DGKD: variants seen among roughly 807,000 people sequenced by gnomAD.
DGKD encodes diacylglycerol kinase delta.
In DGKD, 68 loss-of-function variants were observed where a neutral mutation model predicts 154.4. That is an observed-to-expected ratio of 0.44 (90% CI 0.36 to 0.54). The LOEUF is 0.54. DGKD is among the 20% of genes least tolerant of loss of function. The probability of loss-of-function intolerance (pLI) is 0.00; values close to 1 mark genes in which losing one functional copy is unlikely to be tolerated. For missense variants in DGKD, 1,343 were observed against 1,593.6 expected, an observed-to-expected ratio of 0.84 and a Z score of 2.68; for synonymous variants, 693 against 638.0, an observed-to-expected ratio of 1.09 and a Z score of -1.30.
At chr2:233,462,292 GA>G in intron 24 of DGKD, 55 bp from the exon 25 acceptor site, 1 of 1,443,242 alleles carries the variant, frequency 6.9e-7, no homozygotes. Context: ...TGCGTATTGT[GA>G]AAGGCTGCCC....
At chr2:233,387,226 A>G (rs374347053) in intron 1 of DGKD, among the ~76,000 whole-genome samples, 13 of 152,196 alleles carry the variant, frequency 8.5e-5, no homozygotes, top group African/African-American at 3.1e-4. Flanking sequence ...TGAAACATTT[A>G]CGTAAAGTGC....
chr2:233,389,873 C>T (rs1703475113), intron 2 of DGKD, among the ~76,000 whole-genome samples: 1 of 152,138 alleles, frequency 6.6e-6, no homozygotes, highest in East Asian at 1.9e-4. Flanking sequence ...TGCTCTACTC[C>T]CTTGTTTCCT....
chr2:233,365,840 A>G (rs1461662149), intron 1 of DGKD, among the ~76,000 whole-genome samples: 1 of 152,250 alleles, frequency 6.6e-6, no homozygotes, highest in Non-Finnish European at 1.5e-5. Flanking sequence ...AATAGCAAAT[A>G]TGTATATATA....
intron 3 of DGKD, among the ~76,000 whole-genome samples, chr2:233,410,377 C>T (rs1484598385): frequency 2.6e-5 from 4 of 152,178 alleles, no homozygotes; most frequent in Non-Finnish European, 5.9e-5. Context: ...GCGCAGCTGA[C>T]TTGCCAAGGC....
intron 10 of DGKD, among the ~76,000 whole-genome samples, chr2:233,444,251 G>C (rs770980037): frequency 2.6e-5 from 4 of 152,060 alleles, no homozygotes; most frequent in Non-Finnish European, 4.4e-5. Context: ...AGTTGTTCTT[G>C]GTTCGTCCGT....
intron 3 of DGKD, among the ~76,000 whole-genome samples, chr2:233,402,511 T>A (rs2061585433): frequency 6.6e-6 from 1 of 152,194 alleles, no homozygotes; most frequent in Non-Finnish European, 1.5e-5. Context: ...AAGCAGGTTC[T>A]GTTGCTTCTT....
chr2:233,428,317 G>C (rs2062384927), intron 3 of DGKD, among the ~76,000 whole-genome samples: 1 of 152,172 alleles, frequency 6.6e-6, no homozygotes, highest in African/African-American at 2.4e-5. Context: ...CCCTCTGTGG[G>C]CAGCTAAGAA....
Position 233,449,411 on chromosome 2 carries a change from A to G in DGKD, c.1888+35A>G, listed in dbSNP as rs781666824. 6.4e-7 allele frequency: 1 copy of G among 1,568,966 alleles called. No homozygotes were observed. On this transcript the variant is annotated intron_variant, in intron 15 of 29. Coordinates refer to ENST00000264057, the MANE Select transcript of DGKD (RefSeq NM_152879.3). The surrounding 1 kb of genome is among the most constrained non-coding windows in gnomAD (Gnocchi z 5.3). ...CTTGTGATGAGGAGGGGCTTTCCTC[A>G]GGCCAGCACTGGGCATGCCCAGCGT...
At chr2:233,416,727 C>A (rs1370046205) in intron 3 of DGKD, among the ~76,000 whole-genome samples, 4 of 152,182 alleles carry the variant, frequency 2.6e-5, no homozygotes, top group Non-Finnish European at 4.4e-5. Flanking sequence ...CTACCAGGGA[C>A]CTTTGGTTTG....
At chr2:233,365,575 A>G (rs1039140598) in intron 1 of DGKD, among the ~76,000 whole-genome samples, 2 of 152,192 alleles carry the variant, frequency 1.3e-5, no homozygotes, top group Non-Finnish European at 2.9e-5. Flanking sequence ...ATGGAAATGT[A>G]TGGAACACTG....
At chr2:233,403,784 C>T (rs942645468) in intron 3 of DGKD, among the ~76,000 whole-genome samples, 21 of 151,802 alleles carry the variant, frequency 1.4e-4, no homozygotes, top group South Asian at 6.3e-4. Context: ...GGATTATAGG[C>T]GTGTGCCACC....
chr2:233,392,134 C>T (rs1008226569), intron 3 of DGKD: 1 of 152,170 alleles, frequency 6.6e-6, no homozygotes, highest in Non-Finnish European at 1.5e-5. Context: ...AAGGGATCCT[C>T]ATGCCTCAGC....
Position 233,462,654 on chromosome 2 carries a change from C to T in DGKD, c.3105C>T (p.Cys1035=), listed in dbSNP as rs776145207. ...GKPRTTEGLN[C]SFVLEMVNNF... ...CTGGTTTCTTCTAGGGGCTCAACTG[C>T]AGCTTCGTCCTGGAAATGGTGAATA... Residue 1035 remains cysteine, a synonymous_variant, in exon 26 of 30, where the codon TGC becomes TGT. Coordinates refer to ENST00000264057, the MANE Select transcript of DGKD (RefSeq NM_152879.3). 1.9e-6 allele frequency: 3 copies of T among 1,614,114 alleles called. No homozygotes were observed. The highest frequency in any genetic ancestry group is 2.5e-6 in the Non-Finnish European group (3 of 1,179,964).
At chr2:233,468,123 C>T (rs544486896) in intron 28 of DGKD, among the ~76,000 whole-genome samples, 1 of 151,978 alleles carries the variant, frequency 6.6e-6, no homozygotes, top group Admixed American at 6.6e-5. Context: ...GAGCGGGTGG[C>T]TCTGTGCCTC....
chr2:233,445,755 C>G lies in DGKD; in HGVS notation c.1327C>G (p.Leu443Val). 6.2e-7 allele frequency: 1 copy of G among 1,611,948 alleles called. No homozygotes were observed. The highest frequency in any genetic ancestry group is 8.5e-7 in the Non-Finnish European group (1 of 1,178,858). ...EKLERASTKM[L>V]DRWSVMAYEA... ...GTTGGAGAGAGCCAGCACCAAGATG[C>G]TGGACAGGTGAGTGGGGATGTGCTC... Residue 443 changes from leucine (L) to valine (V), a missense_variant, in exon 11 of 30, where the codon CTG becomes GTG. By Grantham distance (32) the Leu-to-Val change is conservative. Around this residue, in one of 6 missense-constraint regions of DGKD, gnomAD observed 409 missense variants for 446.0 expected, o/e 0.92. Transcript: ENST00000264057. The surrounding 1 kb of genome is among the most constrained non-coding windows in gnomAD (Gnocchi z 5.5).
At chr2:233,427,594 G>A (rs576226693) in intron 3 of DGKD, among the ~76,000 whole-genome samples, 11 of 152,162 alleles carry the variant, frequency 7.2e-5, no homozygotes, top group African/African-American at 2.4e-4. Context: ...TACCTGCCTC[G>A]GCCTCCCAAA....
At chr2:233,403,442 C>G (rs1394360287) in intron 3 of DGKD, among the ~76,000 whole-genome samples, 1 of 151,710 alleles carries the variant, frequency 6.6e-6, no homozygotes, top group Non-Finnish European at 1.5e-5. Flanking sequence ...CGCCTGTAAT[C>G]CCAGCTACTC....
intron 28 of DGKD, among the ~76,000 whole-genome samples, chr2:233,467,657 A>G (rs1411173038): frequency 6.6e-6 from 1 of 152,200 alleles, no homozygotes; most frequent in East Asian, 1.9e-4. Flanking sequence ...TCAATCGAAT[A>G]TGGTCCTGAA....
chr2:233,459,857 A>C lies in DGKD; in HGVS notation c.2795A>C (p.His932Pro). The part of the protein sequence containing the change: ...VQPPGYIRIV[H>P]KNRAQTLTRD... ...CCGCCAGGGTACATTCGGATTGTCCACAAGAACCGGGCACAGACACTGACC... is the reference window on the plus strand; with the variant it reads ...CCGCCAGGGTACATTCGGATTGTCCCCAAGAACCGGGCACAGACACTGACC... Residue 932 changes from histidine (H) to proline (P), a missense_variant, in exon 23 of 30, where the codon CAC becomes CCC. Transcript: ENST00000264057. The surrounding 1 kb of genome is among the most constrained non-coding windows in gnomAD (Gnocchi z 5.7). 2 of 1,614,074 alleles carry C rather than the reference A, an allele frequency of 1.2e-6. No individual in the cohort carries two copies. Among genetic ancestry groups the C allele is most frequent in the Non-Finnish European group, 1.7e-6 (2 of 1,179,974 alleles).
Sources: gnomAD v4.1 joint callset for allele counts (sites outside exome capture counted in the v4.1 genomes callset) on GRCh38, gnomAD v4.1.1 for gene constraint, gnomAD v4.1.1 regional missense constraint, Gnocchi (gnomAD v3.1) non-coding constraint, MANE v1.5 for transcripts, NCBI Gene and HGNC (gene_info 2026-07-23, HGNC 2026-07-21) for gene names.